GRIK4: variants seen among roughly 807,000 people sequenced by gnomAD.
The protein encoded by GRIK4 is glutamate ionotropic receptor kainate type subunit 4, also known as glutamate receptor ionotropic, kainate 4.
Under a neutral mutation model 104.9 loss-of-function variants are expected in GRIK4, and 40 were observed. That is an observed-to-expected ratio of 0.38 (90% CI 0.30 to 0.50). The LOEUF (loss-of-function observed/expected upper bound fraction) is 0.50. Among genes scored for constraint, GRIK4 ranks in the 20% least tolerant of loss-of-function variants. The pLI is 0.93. For missense variants in GRIK4, 1,047 were observed against 1,308.1 expected (o/e 0.80, Z 3.08); for synonymous variants, 485 against 524.9 (o/e 0.92, Z 1.04).
chr11:120,849,290 T>C (rs1565391069), intron 8 of GRIK4, among the ~76,000 whole-genome samples: 1 of 152,180 alleles, frequency 6.6e-6, no homozygotes, highest in Non-Finnish European at 1.5e-5. Context: ...GTTCAATATC[T>C]CTGGACACAT....
intron 1 of GRIK4, among the ~76,000 whole-genome samples, chr11:120,576,121 T>C (rs12796185): frequency 0.25 from 37,969 of 152,138 alleles, 5,954 homozygotes; most frequent in Admixed American, 0.44. Context: ...TTATTGAATG[T>C]GTCGCCTAAT....
At chr11:120,985,881 C>G in intron 20 of GRIK4, 23 bp from the exon 21 acceptor site, 24 of 1,550,130 alleles carry the variant, frequency 1.5e-5, no homozygotes, top group Non-Finnish European at 2.1e-5. Flanking sequence ...GAGGCTGGGC[C>G]CTGACCTCGC....
intron 1 of GRIK4, among the ~76,000 whole-genome samples, chr11:120,523,067 A>G (rs7931923): frequency 0.42 from 63,568 of 150,446 alleles, 16,298 homozygotes; most frequent in African/African-American, 0.73. Context: ...TTGCTTCTCC[A>G]CTGCTCCTAG....
At chr11:120,512,593 A>G (rs1591665963) in intron 1 of GRIK4, among the ~76,000 whole-genome samples, 1 of 127,812 alleles carries the variant, frequency 7.8e-6, no homozygotes, top group African/African-American at 2.9e-5. Flanking sequence ...TCCGAGTGGG[A>G]AGTGAGGGAG....
chr11:120,829,435 T>G (rs1953364554), intron 6 of GRIK4, among the ~76,000 whole-genome samples: 1 of 152,128 alleles, frequency 6.6e-6, no homozygotes, highest in Admixed American at 6.5e-5. Flanking sequence ...TTGAACTTCA[T>G]CAGCAACTTA....
chr11:120,962,814 C>T, intron 18 of GRIK4, 133 bp downstream of exon 18: 2 of 512,368 alleles, frequency 3.9e-6, no homozygotes, highest in Non-Finnish European at 6.8e-6. Context: ...TTTACGTGGG[C>T]ATTCTAAAGT....
At chr11:120,918,805 G>C (rs530677131) in intron 13 of GRIK4, among the ~76,000 whole-genome samples, 1 of 152,340 alleles carries the variant, frequency 6.6e-6, no homozygotes, top group Non-Finnish European at 1.5e-5. Flanking sequence ...AAGCATTTCA[G>C]CCGGAGGAAG....
chr11:120,757,441 G>A (rs751990972), intron 3 of GRIK4, among the ~76,000 whole-genome samples: 17 of 152,296 alleles, frequency 1.1e-4, no homozygotes, highest in Middle Eastern at 3.4e-3. Context: ...CCTGTCACAC[G>A]GTGGGGTTGG....
Position 120,818,873 on chromosome 11 carries a change from G to T in GRIK4, c.346-882G>T, listed in dbSNP as rs11218014. Among the ~76,000 whole-genome samples the T allele has an allele frequency of 9.9e-5, 15 of 152,276 alleles. No homozygotes were observed. The South Asian group carries it at 1.5e-3, about 15-fold the overall frequency. On this transcript the variant is annotated intron_variant, in intron 5 of 20. Coordinates refer to ENST00000527524, the MANE Select transcript of GRIK4 (RefSeq NM_014619.5). ...ACACACTGATATTCAGCTTCAGCTCGCTCAGCTCTGGACACCAGGGGTGAG... is the reference window on the plus strand; with the variant it reads ...ACACACTGATATTCAGCTTCAGCTCTCTCAGCTCTGGACACCAGGGGTGAG...
chr11:120,901,046 G>A lies in GRIK4; in HGVS notation c.1272+2407G>A, dbSNP rs192679423. The stretch of plus-strand genomic sequence containing the variant: ...AAAGCCCCTGCCCTAATCCAGGATC[G>A]GGGCCCCTCTACTTCTTTCTCTGGA... On this transcript the variant is annotated intron_variant, in intron 12 of 20. Coordinates refer to ENST00000527524, the MANE Select transcript of GRIK4 (RefSeq NM_014619.5). Among the ~76,000 whole-genome samples, 164 of 152,190 alleles carry A rather than the reference G, an allele frequency of 1.1e-3. 2 individuals carry two copies. The highest frequency in any genetic ancestry group is 1.9e-3 in the Non-Finnish European group (132 of 68,002).
chr11:120,688,077 T>G (rs1279178485), intron 3 of GRIK4, among the ~76,000 whole-genome samples: 1 of 152,158 alleles, frequency 6.6e-6, no homozygotes, highest in Admixed American at 6.5e-5. Flanking sequence ...GCAGCAGTCT[T>G]TGCTTCTTGC....
At chr11:120,919,300 G>C (rs1209355216) in intron 13 of GRIK4, among the ~76,000 whole-genome samples, 1 of 152,238 alleles carries the variant, frequency 6.6e-6, no homozygotes, top group Admixed American at 6.5e-5. Context: ...GCAAGCCTCA[G>C]CTGGGTGGTG....
intron 3 of GRIK4, among the ~76,000 whole-genome samples, chr11:120,666,564 G>C (rs1230146542): frequency 6.6e-6 from 1 of 152,198 alleles, no homozygotes; most frequent in Non-Finnish European, 1.5e-5. Context: ...TCATTGGTAA[G>C]GATCCCACTG....
At chr11:120,810,004 G>T (rs1952797327) in intron 4 of GRIK4, among the ~76,000 whole-genome samples, 2 of 152,204 alleles carry the variant, frequency 1.3e-5, no homozygotes, top group Admixed American at 1.3e-4. Flanking sequence ...GTTCAAGTCT[G>T]CAGTGAGCTA....
chr11:120,981,481 A>G (rs934189946), intron 19 of GRIK4, among the ~76,000 whole-genome samples: 2 of 152,210 alleles, frequency 1.3e-5, no homozygotes, highest in African/African-American at 2.4e-5. Context: ...GTCCAGAGAT[A>G]CTGATTGAGT....
intron 11 of GRIK4, among the ~76,000 whole-genome samples, chr11:120,890,122 AT>A (rs1388839866): frequency 6.6e-6 from 1 of 152,170 alleles, no homozygotes. Flanking sequence ...GTACCGTTAA[AT>A]GGTACCATTA....
At chr11:120,571,229 T>C (rs1254627736) in intron 1 of GRIK4, among the ~76,000 whole-genome samples, 1 of 152,230 alleles carries the variant, frequency 6.6e-6, no homozygotes, top group Non-Finnish European at 1.5e-5. Flanking sequence ...TTTCTTGGTT[T>C]ACTCCATTGT....
At chr11:120,518,775 C>T (rs1947760326) in intron 1 of GRIK4, among the ~76,000 whole-genome samples, 1 of 152,124 alleles carries the variant, frequency 6.6e-6, no homozygotes, top group South Asian at 2.1e-4. Context: ...CCCAATACCA[C>T]CCCCGGCTAA....
intron 13 of GRIK4, among the ~76,000 whole-genome samples, chr11:120,917,005 G>A (rs1943117891): frequency 1.3e-5 from 2 of 152,032 alleles, no homozygotes; most frequent in Admixed American, 6.6e-5. Flanking sequence ...CAGCACTTTG[G>A]GAGGCCGAGG....
Sources: allele counts gnomAD v4.1 joint callset (sites outside exome capture counted in the v4.1 genomes callset), GRCh38; gene constraint gnomAD v4.1.1; transcripts MANE v1.5; gene names NCBI Gene and HGNC (gene_info 2026-07-23, HGNC 2026-07-21).